Variants in SIRT5 observed in about 807,000 individuals in gnomAD.
The protein encoded by SIRT5 is sirtuin 5.
SIRT5 carries 26 observed loss-of-function variants against 40.0 expected under a neutral mutation model. The observed-to-expected ratio is 0.65, with a 90% confidence interval of 0.48 to 0.90. The LOEUF is 0.90. Ranked by LOEUF, SIRT5 falls within the 40% of genes least tolerant of loss-of-function variation. The pLI is 0.00. For synonymous variants in SIRT5, 146 were observed against 149.1 expected (o/e 0.98, Z 0.15); for missense variants, 401 against 402.4 (o/e 1.00, Z 0.03).
intron 9 of SIRT5, among the ~76,000 whole-genome samples, chr6:13,611,195 A>G (rs953122895): frequency 4.3e-5 from 5 of 116,366 alleles, no homozygotes; most frequent in East Asian, 5.0e-4. Flanking sequence ...GTAATGTTTT[A>G]TGTGTGTGTG....
chr6:13,604,376 A>G, intron 9 of SIRT5: 1 of 806,972 alleles, frequency 1.2e-6, no homozygotes, highest in South Asian at 1.5e-5. Context: ...TCTGTTTGAA[A>G]GACCATCAGA....
chr6:13,595,681 C>A, intron 6 of SIRT5, 117 bp downstream of exon 6: 1 of 866,788 alleles, frequency 1.2e-6, no homozygotes, highest in Non-Finnish European at 1.9e-6. Context: ...AGAAATAAGA[C>A]TAAATACAAG....
chr6:13,595,439 A>G lies in SIRT5; in HGVS notation c.476-38A>G, dbSNP rs115296180. On this transcript the variant is annotated intron_variant, in intron 5 of 9. Coordinates refer to ENST00000606117, the MANE Select transcript of SIRT5 (RefSeq NM_012241.5). ...GACATGGAGAAGGTTGCTCTTGATTATACTAAATTCTGGATTTGCTTCATA... is the reference window on the plus strand; with the variant it reads ...GACATGGAGAAGGTTGCTCTTGATTGTACTAAATTCTGGATTTGCTTCATA... 1,272 of 1,470,506 alleles carry G rather than the reference A, an allele frequency of 8.7e-4. 1 individual carries two copies. The highest frequency in any genetic ancestry group is 1.1e-3 in the Non-Finnish European group (1,172 of 1,049,300). The allele number at this position is 1,470,506 out of a possible 1,614,324, so 91.1% of individuals were successfully genotyped here. A position where few individuals can be genotyped will look rare whatever the true frequency, so the allele number is the denominator to read the frequency against.
intron 3 of SIRT5, among the ~76,000 whole-genome samples, chr6:13,585,704 C>A (rs192001751): frequency 2.0e-5 from 3 of 152,134 alleles, no homozygotes. Flanking sequence ...AATAAACATA[C>A]GTATGCATGT....
chr6:13,588,605 G>T, intron 4 of SIRT5, 141 bp downstream of exon 4: 1 of 1,105,196 alleles, frequency 9.0e-7, no homozygotes, highest in South Asian at 1.9e-5. Context: ...ATTGATTTTG[G>T]CATAAACACA....
chr6:13,588,198 T>C (rs1760329120), intron 3 of SIRT5, 133 bp from the exon 4 acceptor site: 5 of 1,137,258 alleles, frequency 4.4e-6, no homozygotes, highest in Non-Finnish European at 4.9e-6. Flanking sequence ...GGTGTTTTCA[T>C]GGTACAGGAA....
At chr6:13,595,451 G>A (rs1761445296) in intron 5 of SIRT5, 26 bp from the exon 6 acceptor site, 12 of 1,555,178 alleles carry the variant, frequency 7.7e-6, no homozygotes, top group Non-Finnish European at 1.1e-5. Context: ...ACTAAATTCT[G>A]GATTTGCTTC....
chr6:13,604,529 C>T (rs1762845255), intron 9 of SIRT5: 1 of 1,579,434 alleles, frequency 6.3e-7, no homozygotes, highest in Non-Finnish European at 8.6e-7. Context: ...AACAAGTCAT[C>T]ATTGTAGAAA....
At chr6:13,597,381 T>C (rs1479844952) in intron 7 of SIRT5, among the ~76,000 whole-genome samples, 1 of 124,548 alleles carries the variant, frequency 8.0e-6, no homozygotes, top group Non-Finnish European at 1.6e-5. Context: ...AGGGAGGCAA[T>C]GAAAGGACCT....
intron 8 of SIRT5, among the ~76,000 whole-genome samples, chr6:13,600,343 C>T (rs192245073): frequency 6.6e-6 from 1 of 152,232 alleles, no homozygotes; most frequent in African/African-American, 2.4e-5. Context: ...CATGCTCTTC[C>T]CATCCCTGTA....
At chr6:13,581,397 AATTGCAGTC>A (rs1759326734) in intron 2 of SIRT5, among the ~76,000 whole-genome samples, 1 of 152,176 alleles carries the variant, frequency 6.6e-6, no homozygotes, top group Admixed American at 6.5e-5. Context: ...CTCATAACTA[AATTGCAGTC>A]ATGAATGCCA....
intron 1 of SIRT5, among the ~76,000 whole-genome samples, chr6:13,575,250 G>C (rs1421551894): frequency 6.6e-6 from 1 of 152,160 alleles, no homozygotes; most frequent in East Asian, 1.9e-4. Flanking sequence ...AGAGGGGCAG[G>C]GCTGGAGGGG....
Position 13,595,473 on chromosome 6 carries a change from T to C in SIRT5, c.476-4T>C. ...TCTGGATTTGCTTCATATGTATTTTTCAGGTAGCTTATTTAAAACTCGATG... is the reference window on the plus strand; with the variant it reads ...TCTGGATTTGCTTCATATGTATTTTCCAGGTAGCTTATTTAAAACTCGATG... On this transcript the variant is annotated splice_polypyrimidine_tract_variant and splice_region_variant and intron_variant, in intron 5 of 9. Transcript: ENST00000606117. 6.2e-7 allele frequency: 1 copy of C among 1,611,972 alleles called. No individual in the cohort carries two copies. Among genetic ancestry groups the C allele is most frequent in the South Asian group, 1.1e-5 (1 of 91,016 alleles).
chr6:13,578,859 C>T (rs1758979825), intron 1 of SIRT5, among the ~76,000 whole-genome samples: 1 of 151,984 alleles, frequency 6.6e-6, no homozygotes, highest in South Asian at 2.1e-4. Flanking sequence ...CATGAAAAGG[C>T]ATCGTTAAAT....
At chr6:13,608,845 G>A (rs146602098) in intron 9 of SIRT5, among the ~76,000 whole-genome samples, 1 of 150,202 alleles carries the variant, frequency 6.7e-6, no homozygotes, top group African/African-American at 2.4e-5. Context: ...TCTTTGAGAT[G>A]GAGTTTTGCT....
chr6:13,609,593 C>G (rs148827043), intron 9 of SIRT5, among the ~76,000 whole-genome samples: 1 of 152,292 alleles, frequency 6.6e-6, no homozygotes, highest in East Asian at 1.9e-4. Context: ...GTTGGAAATC[C>G]AGGCTGCTTC....
intron 1 of SIRT5, among the ~76,000 whole-genome samples, chr6:13,576,050 C>T (rs752562785): frequency 8.5e-5 from 13 of 152,170 alleles, no homozygotes; most frequent in Admixed American, 4.6e-4. Flanking sequence ...TTTATCCGGT[C>T]CTCAGTTGAT....
chr6:13,586,612 C>G (rs995269452), intron 3 of SIRT5, among the ~76,000 whole-genome samples: 4 of 152,108 alleles, frequency 2.6e-5, no homozygotes, highest in African/African-American at 9.7e-5. Context: ...TAATTTCTCT[C>G]AGCCTTGTGC....
At chr6:13,596,518 G>C (rs1761588687) in intron 6 of SIRT5, among the ~76,000 whole-genome samples, 1 of 151,360 alleles carries the variant, frequency 6.6e-6, no homozygotes. Context: ...ACAGGTTCTT[G>C]CTCTGTTTCC....
Sources: gnomAD v4.1 joint callset for allele counts (sites outside exome capture counted in the v4.1 genomes callset) on GRCh38, gnomAD v4.1.1 for gene constraint, MANE v1.5 for transcripts, NCBI Gene and HGNC (gene_info 2026-07-23, HGNC 2026-07-21) for gene names.